The following NALF1 variants were observed in gnomAD, a reference collection of about 807,000 sequenced individuals.
The protein encoded by NALF1 is NALCN channel auxiliary factor 1, also known as family with sequence similarity 155 member A.
A neutral mutation model predicts 48.4 loss-of-function variants in NALF1; 3 were observed. The observed-to-expected ratio is 0.06, with a 90% CI of 0.03 to 0.16. NALF1 has a LOEUF of 0.16. Among genes scored for constraint, NALF1 ranks in the 10% least tolerant of loss-of-function variants. The pLI is 1.00. For missense variants in NALF1, 526 were observed against 571.5 expected (o/e 0.92, Z 0.81); for synonymous variants, 262 against 245.7 (o/e 1.07, Z -0.62).
intron 1 of NALF1, among the ~76,000 whole-genome samples, chr13:107,795,305 A>AG (rs1386852354): frequency 3.9e-5 from 6 of 152,144 alleles, no homozygotes; most frequent in Non-Finnish European, 8.8e-5. Flanking sequence ...GCAAAGAAAG[A>AG]GGGGGGAAAG....
intron 1 of NALF1, among the ~76,000 whole-genome samples, chr13:107,453,853 C>T (rs1272675062): frequency 6.6e-6 from 1 of 152,184 alleles, no homozygotes; most frequent in Non-Finnish European, 1.5e-5. Flanking sequence ...CCCAAGTCAG[C>T]TCTTGAATGC....
chr13:107,586,185 G>C (rs1878451628), intron 1 of NALF1, among the ~76,000 whole-genome samples: 1 of 152,128 alleles, frequency 6.6e-6, no homozygotes, highest in African/African-American at 2.4e-5. Context: ...GCTATCTATA[G>C]GGAAAGCTGG....
chr13:107,271,514 C>T (rs1278805973), intron 1 of NALF1, among the ~76,000 whole-genome samples: 2 of 151,890 alleles, frequency 1.3e-5, no homozygotes, highest in South Asian at 2.1e-4. Flanking sequence ...TGAGGCTAGA[C>T]GACTGGGGCT....
intron 1 of NALF1, among the ~76,000 whole-genome samples, chr13:107,284,340 A>G (rs1224235580): frequency 6.6e-6 from 1 of 152,172 alleles, no homozygotes; most frequent in Non-Finnish European, 1.5e-5. Context: ...GCAGGAAAGC[A>G]TGACTCATTC....
At chr13:107,502,858 T>C (rs947182850) in intron 1 of NALF1, among the ~76,000 whole-genome samples, 4 of 152,168 alleles carry the variant, frequency 2.6e-5, no homozygotes, top group African/African-American at 7.2e-5. Flanking sequence ...AAAATACAAA[T>C]GGAAGTGCAG....
intron 1 of NALF1, among the ~76,000 whole-genome samples, chr13:107,223,924 T>C (rs761092233): frequency 6.6e-6 from 1 of 152,238 alleles, no homozygotes; most frequent in Non-Finnish European, 1.5e-5. Flanking sequence ...TCTTAGCCCA[T>C]GTCTTCTTTA....
intron 1 of NALF1, among the ~76,000 whole-genome samples, chr13:107,775,252 G>C (rs1877696417): frequency 7.7e-6 from 1 of 130,222 alleles, no homozygotes; most frequent in Non-Finnish European, 1.5e-5. Flanking sequence ...TCCCCTTCCT[G>C]TGTCCATGTG....
At chr13:107,252,479 G>A (rs556149701) in intron 1 of NALF1, among the ~76,000 whole-genome samples, 1 of 151,572 alleles carries the variant, frequency 6.6e-6, no homozygotes, top group African/African-American at 2.4e-5. Flanking sequence ...GAGAGAAAGA[G>A]AGAGAGGAGA....
intron 1 of NALF1, among the ~76,000 whole-genome samples, chr13:107,598,713 G>C (rs182456080): frequency 6.6e-6 from 1 of 152,140 alleles, no homozygotes; most frequent in Admixed American, 6.5e-5. Context: ...ATCTTTCTTC[G>C]TGTCATTTCA....
chr13:107,294,396 C>G (rs1881686683), intron 1 of NALF1, among the ~76,000 whole-genome samples: 1 of 152,166 alleles, frequency 6.6e-6, no homozygotes, highest in South Asian at 2.1e-4. Context: ...TACTAAACTT[C>G]AGATTCAAAA....
At chr13:107,470,389 T>G (rs990824077) in intron 1 of NALF1, among the ~76,000 whole-genome samples, 3 of 152,182 alleles carry the variant, frequency 2.0e-5, no homozygotes, top group Non-Finnish European at 4.4e-5. Flanking sequence ...ATGCAGATAG[T>G]AGAGCAAAAG....
chr13:107,564,803 T>C (rs1179586920), intron 1 of NALF1, among the ~76,000 whole-genome samples: 12 of 152,072 alleles, frequency 7.9e-5, no homozygotes, highest in Admixed American at 7.9e-4. Flanking sequence ...TTTTCCAATC[T>C]ACAGTTCAGC....
intron 1 of NALF1, among the ~76,000 whole-genome samples, chr13:107,470,462 T>G (rs73592794): frequency 0.034 from 5,201 of 152,262 alleles, 298 homozygotes; most frequent in African/African-American, 0.12. Flanking sequence ...TCCAGGGAAG[T>G]CACGAAGTTT....
At position 107,163,832 on chromosome 13, in the gene NALF1, C is replaced by T. The variant is rs1878606606; in HGVS notation, c.*6665G>A. 1.3e-5 allele frequency: 2 copies of T among 151,776 alleles called. No individual in the cohort carries two copies. The highest frequency in any genetic ancestry group is 4.8e-5 in the African/African-American group (2 of 41,290). 9.4% of individuals were successfully genotyped at this position (151,776 alleles called of 1,614,324 possible). ...AAAATTAAGTGCAAACATGAGAATGCTTATCATGATATGAAAATAAATGCC... is the reference window on the plus strand; with the variant it reads ...AAAATTAAGTGCAAACATGAGAATGTTTATCATGATATGAAAATAAATGCC... On this transcript the variant is annotated 3_prime_UTR_variant, in exon 3 of 3. Transcript: ENST00000375915.
intron 1 of NALF1, among the ~76,000 whole-genome samples, chr13:107,303,123 C>T (rs960083549): frequency 7.2e-5 from 11 of 152,008 alleles, no homozygotes; most frequent in Non-Finnish European, 1.2e-4. Context: ...CATTTTTATT[C>T]GACTTCCCTA....
At chr13:107,348,330 T>C (rs1273468459) in intron 1 of NALF1, among the ~76,000 whole-genome samples, 2 of 152,238 alleles carry the variant, frequency 1.3e-5, no homozygotes, top group South Asian at 2.1e-4. Context: ...ATTAAAAGTG[T>C]TACGTTCACT....
intron 1 of NALF1, among the ~76,000 whole-genome samples, chr13:107,618,455 A>G (rs1219623056): frequency 2.0e-5 from 3 of 152,178 alleles, no homozygotes; most frequent in African/African-American, 7.2e-5. Flanking sequence ...TCAATAGAAG[A>G]CTTATCCTAA....
chr13:107,497,001 T>A (rs1232608676), intron 1 of NALF1, among the ~76,000 whole-genome samples: 2 of 152,138 alleles, frequency 1.3e-5, no homozygotes. Context: ...AAACAAAGAT[T>A]TAAAATATTC....
intron 1 of NALF1, among the ~76,000 whole-genome samples, chr13:107,606,280 ATG>A (rs144536715): frequency 2.6e-5 from 4 of 151,306 alleles, no homozygotes; most frequent in South Asian, 2.1e-4. Context: ...ATATATATAT[ATG>A]TGTGTGTTTG....
Sources: allele counts gnomAD v4.1 joint callset (sites outside exome capture counted in the v4.1 genomes callset), GRCh38; gene constraint gnomAD v4.1.1; transcripts MANE v1.5; gene names NCBI Gene and HGNC (gene_info 2026-07-23, HGNC 2026-07-21).